The following HAS3 variants were observed in gnomAD, a reference collection of about 807,000 sequenced individuals.
The protein encoded by HAS3 is HA synthase 3.
A neutral mutation model predicts 50.3 loss-of-function variants in HAS3; 27 were observed. That is an observed-to-expected ratio of 0.54 (90% CI 0.40 to 0.74). The LOEUF is 0.74. Ranked by LOEUF, HAS3 falls within the 30% of genes least tolerant of loss-of-function variation. The pLI, the probability that HAS3 is intolerant of heterozygous loss-of-function variation, is 0.00. For missense variants in HAS3, 517 were observed against 742.8 expected (o/e 0.70, Z 3.53); for synonymous variants, 339 against 310.9 (o/e 1.09, Z -0.95).
Position 69,117,117 on chromosome 16 carries a change from G to A in HAS3, c.*1851G>A. 1.0e-6 allele frequency: 1 copy of A among 985,850 alleles called. No homozygotes were observed. Among genetic ancestry groups the A allele is most frequent in the Non-Finnish European group, 1.2e-6 (1 of 829,920 alleles). The allele number at this position is 985,850 out of a possible 1,614,324, so 61.1% of individuals were successfully genotyped here. ...GAAGGCTGGAAGGCAGCAGGCATTT[G>A]CTAAGGCAGCTGATCCAGGCAATCG... On this transcript the variant is annotated 3_prime_UTR_variant, in exon 4 of 4. Transcript: ENST00000569188.
chr16:69,107,510 C>G lies in HAS3; in HGVS notation c.-1+1723C>G, dbSNP rs1960843765. The stretch of plus-strand genomic sequence containing the variant: ...GGCCGGCGCCGCCTTTGCCAAGAGG[C>G]GAGGCTCGAGCGGGGATGAGAAGCG... On this transcript the variant is annotated intron_variant, in intron 1 of 3. Transcript: ENST00000569188. This position sits in a 1 kb window ranked among gnomAD's most constrained non-coding sequence, Gnocchi z 5.5. 6 of 984,474 alleles carry G rather than the reference C, an allele frequency of 6.1e-6. No individual in the cohort carries two copies. The highest frequency in any genetic ancestry group is 5.2e-4 in the Middle Eastern group (1 of 1,916). 61.0% of individuals were successfully genotyped at this position (984,474 alleles called of 1,614,324 possible). A position where few individuals can be genotyped will look rare whatever the true frequency, so the allele number is the denominator to read the frequency against.
At position 69,114,623 on chromosome 16, in the gene HAS3, TCA is replaced by T. The variant is rs778218174; in HGVS notation, c.1022_1023del (p.Thr341ArgfsTer5). 6.2e-7 allele frequency: 1 copy of T among 1,613,822 alleles called. No individual in the cohort carries two copies. The highest frequency in any genetic ancestry group is 8.5e-7 in the Non-Finnish European group (1 of 1,180,014). On this transcript the variant is annotated frameshift_variant, in exon 4 of 4. Transcript: ENST00000569188. LOFTEE classifies it high-confidence loss of function. The surrounding 1 kb of genome is among the most constrained non-coding windows in gnomAD (Gnocchi z 6.4). Reference sequence around the variant, plus strand: ...AAGTATACCGCGCGCTCCAAGTGCCTCACAGAGACCCCCACTAAGTACCTCCG... The same window carrying T: ...AAGTATACCGCGCGCTCCAAGTGCCTCAGAGACCCCCACTAAGTACCTCCG...
chr16:69,088,051 G>C, the HAS3 span, among the ~76,000 whole-genome samples: 2 of 151,932 alleles, frequency 1.3e-5, no homozygotes, highest in African/African-American at 4.8e-5. Context: ...GCTTTCCTAT[G>C]GCTCTGCCTG....
chr16:69,109,624 C>T lies in HAS3; in HGVS notation c.229C>T (p.Leu77=), dbSNP rs144493526. Residue 77 remains leucine (L), a synonymous_variant, in exon 2 of 4, where the codon CTG becomes TTG. Coordinates refer to ENST00000569188, the MANE Select transcript of HAS3 (RefSeq NM_001199280.2). This position sits in a 1 kb window ranked among gnomAD's most constrained non-coding sequence, Gnocchi z 5.3. ...GCGCATGCGACGTGCCGGCCAGGCC[C>T]TGAAGCTGCCCTCCCCGCGGCGGGG... ...HRRMRRAGQA[L]KLPSPRRGSV... is the part of the protein sequence containing the mutation. 2.0e-5 allele frequency: 32 copies of T among 1,611,682 alleles called. No individual in the cohort carries two copies. In the East Asian group the frequency reaches 6.2e-4, roughly 31 times the overall value.
the HAS3 span, among the ~76,000 whole-genome samples, chr16:69,094,036 A>G: frequency 6.6e-6 from 1 of 152,208 alleles, no homozygotes. Flanking sequence ...TCCAGCACAG[A>G]GCTGCAGGAG....
chr16:69,117,864 T>TAAG (rs1961266614), downstream of HAS3: 2 of 171,112 alleles, frequency 1.2e-5, no homozygotes, highest in African/African-American at 2.4e-5. Context: ...GGGCCCTTGC[T>TAAG]AAGACTAAAA....
rs1456570257 is a variant in HAS3 at position 69,106,792 on chromosome 16, G to T, written c.-1+1005G>T. 6.6e-6 allele frequency: 1 copy of T among 152,102 alleles called. No homozygotes were observed. The highest frequency in any genetic ancestry group is 1.5e-5 in the Non-Finnish European group (1 of 68,020). 9.4% of individuals were successfully genotyped at this position (152,102 alleles called of 1,614,324 possible). On this transcript the variant is annotated intron_variant, in intron 1 of 3. Transcript: ENST00000569188. This position sits in a 1 kb window ranked among gnomAD's most constrained non-coding sequence, Gnocchi z 5.5. ...CCGGGGGAGTGGGCTCCCCTCCCCT[G>T]GCCGGCCTGGAGGGGCCCGGAGGGC...
At chr16:69,105,214 C>G (rs2152253505), upstream of HAS3, among the ~76,000 whole-genome samples, 1 of 151,788 alleles carries the variant, frequency 6.6e-6, no homozygotes, top group East Asian at 1.9e-4. Context: ...CCCGGCCACT[C>G]ATTTTTTAAA....
Position 69,116,975 on chromosome 16 carries a change from G to A in HAS3, c.*1709G>A. On this transcript the variant is annotated 3_prime_UTR_variant, in exon 4 of 4. Coordinates refer to ENST00000569188, the MANE Select transcript of HAS3 (RefSeq NM_001199280.2). ...CTGAGCCACAGATGGGCAAACCCTG[G>A]TGCTTTCCTTCATCTCCCACGAACT... is the stretch of plus-strand genomic sequence containing the variant. 1.0e-6 allele frequency: 1 copy of A among 985,440 alleles called. No homozygotes were observed. Among genetic ancestry groups the A allele is most frequent in the Non-Finnish European group, 1.2e-6 (1 of 829,940 alleles). The allele number at this position is 985,440 out of a possible 1,614,324, so 61.0% of individuals were successfully genotyped here.
the HAS3 span, among the ~76,000 whole-genome samples, chr16:69,097,015 G>A: frequency 3.9e-5 from 6 of 152,032 alleles, no homozygotes; most frequent in East Asian, 1.9e-4. Flanking sequence ...AAAAGTAGCC[G>A]GGCATGGTGG....
the HAS3 span, among the ~76,000 whole-genome samples, chr16:69,092,352 C>T: frequency 6.6e-6 from 1 of 152,140 alleles, no homozygotes; most frequent in Admixed American, 6.5e-5. Context: ...CCTGTAATCC[C>T]AGCATTTTGG....
Position 69,116,511 on chromosome 16 carries a change from TG to T in HAS3, c.*1247del, listed in dbSNP as rs1961187348. 8.1e-6 allele frequency: 8 copies of T among 985,628 alleles called. No homozygotes were observed. Among genetic ancestry groups the T allele is most frequent in the Non-Finnish European group, 9.6e-6 (8 of 829,718 alleles). The allele number at this position is 985,628 out of a possible 1,614,324, so 61.1% of individuals were successfully genotyped here. On this transcript the variant is annotated 3_prime_UTR_variant, in exon 4 of 4. Transcript: ENST00000569188. ...CCAAAGTGAACTCTCAAATCCAAAA[TG>T]GTTATCTTTGAGACCATCCATTCTC...
chr16:69,104,991 G>GT (rs1567576944), upstream of HAS3, among the ~76,000 whole-genome samples: 12 of 89,838 alleles, frequency 1.3e-4, no homozygotes, highest in South Asian at 3.8e-4. Context: ...TCTGTTTTTT[G>GT]GTTTTTTTTT....
rs1174091917 is a variant in HAS3, at chr16:69,116,466, TG to T, written c.*1202del. 4.5e-5 allele frequency: 44 copies of T among 985,786 alleles called. No individual in the cohort carries two copies. Among genetic ancestry groups the T allele is most frequent in the Non-Finnish European group, 5.1e-5 (42 of 829,942 alleles). The allele number at this position is 985,786 out of a possible 1,614,324, so 61.1% of individuals were successfully genotyped here. ...TACTGTTCTTGACAATCATCTCCAATGGAAAGCTTTTCAGTGTTCCCAAAGT... is the reference window on the plus strand; with the variant it reads ...TACTGTTCTTGACAATCATCTCCAATGAAAGCTTTTCAGTGTTCCCAAAGT... On this transcript the variant is annotated 3_prime_UTR_variant, in exon 4 of 4. Coordinates refer to ENST00000569188, the MANE Select transcript of HAS3 (RefSeq NM_001199280.2).
the HAS3 span, among the ~76,000 whole-genome samples, chr16:69,100,336 G>A: frequency 3.9e-5 from 6 of 152,180 alleles, no homozygotes; most frequent in African/African-American, 9.7e-5. Context: ...TTGGGCAGCT[G>A]CGGGAACATA....
chr16:69,114,303 G>A lies in HAS3; in HGVS notation c.739-40G>A, dbSNP rs1407711897. On this transcript the variant is annotated intron_variant, in intron 3 of 3. Coordinates refer to ENST00000569188, the MANE Select transcript of HAS3 (RefSeq NM_001199280.2). The surrounding 1 kb of genome is among the most constrained non-coding windows in gnomAD (Gnocchi z 6.4). Reference sequence around the variant, plus strand: ...GGTCTCTGATGTCTGTCCTCCGGACGTGCAACCTTAGGAGGCCCAGCATCT... The same window carrying A: ...GGTCTCTGATGTCTGTCCTCCGGACATGCAACCTTAGGAGGCCCAGCATCT... 18 of 1,546,072 alleles carry A rather than the reference G, an allele frequency of 1.2e-5. No homozygotes were observed. The highest frequency in any genetic ancestry group is 2.4e-5 in the South Asian group (2 of 82,128).
the HAS3 span, among the ~76,000 whole-genome samples, chr16:69,097,305 T>A: frequency 1.3e-5 from 2 of 151,870 alleles, no homozygotes; most frequent in Non-Finnish European, 2.9e-5. Flanking sequence ...TGAAACCCCG[T>A]CTCTACTAAA....
At position 69,117,390 on chromosome 16, in the gene HAS3, T is replaced by C. The variant is rs893074454; in HGVS notation, c.*2124T>C. On this transcript the variant is annotated 3_prime_UTR_variant, in exon 4 of 4. Transcript: ENST00000569188. ...GCTCACAACGTTTGACCTCGACTGG[T>C]TTTTCTAAGTTATTTTGTACATTTT... The C allele has an allele frequency of 1.0e-6, 1 of 985,692 alleles. No individual in the cohort carries two copies. Among genetic ancestry groups the C allele is most frequent in the South Asian group, 4.7e-5 (1 of 21,280 alleles). 61.1% of individuals were successfully genotyped at this position (985,692 alleles called of 1,614,324 possible). A position where few individuals can be genotyped will look rare whatever the true frequency, so the allele number is the denominator to read the frequency against.
chr16:69,090,894 AC>A, the HAS3 span, among the ~76,000 whole-genome samples: 1 of 152,200 alleles, frequency 6.6e-6, no homozygotes, highest in South Asian at 2.1e-4. Flanking sequence ...AATTCCCTTG[AC>A]CCTCACACTC....
Sources: allele counts gnomAD v4.1 joint callset (sites outside exome capture counted in the v4.1 genomes callset), GRCh38; gene constraint gnomAD v4.1.1; non-coding constraint Gnocchi (gnomAD v3.1); transcripts MANE v1.5; gene names NCBI Gene and HGNC (gene_info 2026-07-23, HGNC 2026-07-21).